PARD3B: variants seen among roughly 807,000 people sequenced by gnomAD.
PARD3B encodes the protein partitioning defective 3 homolog B.
In PARD3B, 103 loss-of-function variants were observed where a neutral mutation model predicts 130.2. That is an observed-to-expected ratio of 0.79 (90% CI 0.67 to 0.93). PARD3B has a LOEUF of 0.93. Among genes scored for constraint, PARD3B ranks in the 40% least tolerant of loss-of-function variants. PARD3B has a pLI of 0.00. For missense variants in PARD3B, 1,609 were observed against 1,499.2 expected (o/e 1.07, Z -1.21); for synonymous variants, 583 against 553.2 (o/e 1.05, Z -0.76).
At chr2:204,888,849 AAAGAT>A (rs1221485622) in intron 2 of PARD3B, among the ~76,000 whole-genome samples, 2 of 152,158 alleles carry the variant, frequency 1.3e-5, no homozygotes, top group Admixed American at 1.3e-4. Flanking sequence ...AAAACAAACA[AAAGAT>A]AGGATAGGAG....
At chr2:205,358,318 G>A (rs1456603034) in intron 18 of PARD3B, among the ~76,000 whole-genome samples, 1 of 152,172 alleles carries the variant, frequency 6.6e-6, no homozygotes, top group African/African-American at 2.4e-5. Context: ...TCACATCTGT[G>A]AGTTCCTTCA....
intron 1 of PARD3B, among the ~76,000 whole-genome samples, chr2:204,642,772 C>T (rs952930319): frequency 2.0e-5 from 3 of 151,744 alleles, no homozygotes; most frequent in Non-Finnish European, 4.4e-5. Flanking sequence ...AGCAGACTTC[C>T]CCCTTGCTGT....
At chr2:205,498,984 T>C (rs2050051411) in intron 20 of PARD3B, among the ~76,000 whole-genome samples, 1 of 152,174 alleles carries the variant, frequency 6.6e-6, no homozygotes, top group Non-Finnish European at 1.5e-5. Context: ...GTAAGGACTG[T>C]GAAGTGTTCC....
intron 20 of PARD3B, among the ~76,000 whole-genome samples, chr2:205,488,960 G>T (rs1485710950): frequency 6.6e-6 from 1 of 152,092 alleles, no homozygotes; most frequent in Non-Finnish European, 1.5e-5. Context: ...ATAGACTATG[G>T]CTTATTTATC....
chr2:205,098,934 G>T (rs1173059320), intron 4 of PARD3B, among the ~76,000 whole-genome samples: 1 of 152,170 alleles, frequency 6.6e-6, no homozygotes, highest in Non-Finnish European at 1.5e-5. Context: ...TCCTGAAAGT[G>T]TTGCTAAAAA....
intron 2 of PARD3B, among the ~76,000 whole-genome samples, chr2:204,913,644 A>T (rs984943446): frequency 6.6e-6 from 1 of 152,186 alleles, no homozygotes; most frequent in Non-Finnish European, 1.5e-5. Flanking sequence ...GCTATGACAA[A>T]AAGCAATACC....
chr2:204,933,654 C>T lies in PARD3B; in HGVS notation c.223-31498C>T, dbSNP rs573891845. Among the ~76,000 whole-genome samples the T allele has an allele frequency of 5.3e-5, 8 of 152,282 alleles. No homozygotes were observed. The South Asian group carries it at 1.5e-3, about 28-fold the overall frequency. ...CTAAACCACTGTGCTTTATTGCAAG[C>T]TATCAGAGTTCATCTTTTAGGGACT... On this transcript the variant is annotated intron_variant, in intron 2 of 22. Transcript: ENST00000406610.
Position 205,365,549 on chromosome 2 carries a change from C to CTTTTTTTTTTTTTT in PARD3B, c.2631-35461_2631-35448dup, listed in dbSNP as rs3048121. The stretch of plus-strand genomic sequence containing the variant: ...TCAGGGCCATATCCACCCAACCTTC[C>CTTTTTTTTTTTTTT]TTTTTTTTTTTTTTTTCTAATCTAC... On this transcript the variant is annotated intron_variant, in intron 18 of 22. Transcript: ENST00000406610. 2.6e-5 allele frequency among the ~76,000 whole-genome samples: 3 copies of CTTTTTTTTTTTTTT among 113,736 alleles called. 1 individual carries two copies. Among genetic ancestry groups the CTTTTTTTTTTTTTT allele is most frequent in the African/African-American group, 7.5e-5 (2 of 26,578 alleles). 74.6% of individuals were successfully genotyped at this position (113,736 alleles called of 152,430 possible).
intron 18 of PARD3B, among the ~76,000 whole-genome samples, chr2:205,356,088 G>A (rs906930366): frequency 1.3e-5 from 2 of 152,158 alleles, no homozygotes; most frequent in African/African-American, 4.8e-5. Flanking sequence ...TTGTGAGGTT[G>A]GTAAGTCAGT....
intron 11 of PARD3B, among the ~76,000 whole-genome samples, chr2:205,165,272 G>A (rs75525810): frequency 0.018 from 2,728 of 152,152 alleles, 75 homozygotes; most frequent in African/African-American, 0.063. Context: ...AGCACAGAAT[G>A]TTATTATTGT....
chr2:205,608,901 G>A (rs2055120805), intron 22 of PARD3B, among the ~76,000 whole-genome samples: 1 of 152,186 alleles, frequency 6.6e-6, no homozygotes, highest in African/African-American at 2.4e-5. Flanking sequence ...TTCATTTTCT[G>A]TACAAACATT....
chr2:205,089,306 G>T (rs981575972), intron 4 of PARD3B, among the ~76,000 whole-genome samples: 1 of 151,864 alleles, frequency 6.6e-6, no homozygotes, highest in Non-Finnish European at 1.5e-5. Flanking sequence ...GAGTAGCTGG[G>T]ATTACAGGCA....
At chr2:204,988,263 A>G (rs1293222366) in intron 3 of PARD3B, among the ~76,000 whole-genome samples, 3 of 152,172 alleles carry the variant, frequency 2.0e-5, no homozygotes, top group Non-Finnish European at 4.4e-5. Context: ...TGGTGTCTGT[A>G]TTTTCTCAGA....
chr2:204,809,148 T>G (rs2042876279), intron 2 of PARD3B, among the ~76,000 whole-genome samples: 1 of 152,166 alleles, frequency 6.6e-6, no homozygotes, highest in South Asian at 2.1e-4. Flanking sequence ...GTAAATTTGT[T>G]TAAGTTCCTC....
At chr2:204,718,984 T>A (rs951388687) in intron 2 of PARD3B, among the ~76,000 whole-genome samples, 8 of 152,196 alleles carry the variant, frequency 5.3e-5, no homozygotes, top group Non-Finnish European at 1.0e-4. Context: ...TCAGGACACA[T>A]TGGTGGGATT....
intron 18 of PARD3B, among the ~76,000 whole-genome samples, chr2:205,399,308 GT>G (rs543864148): frequency 1.3e-5 from 2 of 150,594 alleles, no homozygotes; most frequent in Non-Finnish European, 2.9e-5. Context: ...ATCTCCCCAA[GT>G]TTTTTTTGTT....
rs748953674 is a variant in PARD3B at position 205,499,947 on chromosome 2, G to T, written c.3096G>T (p.Glu1032Asp). The change falls in exon 21 of 23, where the codon GAG becomes GAT. Residue 1032 changes from glutamate to aspartate, a missense_variant. Coordinates refer to ENST00000406610, the MANE Select transcript of PARD3B (RefSeq NM_001302769.2). ...ACCGTATCCAGAAGTTGCGGAAAGA[G>T]TATTATCAGGCTCGGAGGGAAGGTT... is the stretch of plus-strand genomic sequence containing the variant. ...STDRIQKLRK[E>D]YYQARREGFP... 9 of 1,613,796 alleles carry T rather than the reference G, an allele frequency of 5.6e-6. 1 individual carries two copies. The South Asian group carries it at 8.8e-5, about 16-fold the overall frequency.
At chr2:204,607,021 T>C (rs1186693899) in intron 1 of PARD3B, among the ~76,000 whole-genome samples, 2 of 152,174 alleles carry the variant, frequency 1.3e-5, no homozygotes, top group East Asian at 3.9e-4. Context: ...AGACTTGAGA[T>C]TGATACTTAT....
intron 15 of PARD3B, among the ~76,000 whole-genome samples, chr2:205,214,140 TATAAG>T (rs533747800): frequency 2.6e-5 from 4 of 152,126 alleles, no homozygotes; most frequent in Non-Finnish European, 5.9e-5. Context: ...TATTTTAATG[TATAAG>T]ATGTTTTTCC....
Sources: allele counts gnomAD v4.1 joint callset (sites outside exome capture counted in the v4.1 genomes callset), GRCh38; gene constraint gnomAD v4.1.1; transcripts MANE v1.5; gene names NCBI Gene and HGNC (gene_info 2026-07-23, HGNC 2026-07-21).